Variants in LRGUK observed in about 807,000 individuals in gnomAD.
LRGUK encodes leucine rich repeats and guanylate kinase domain containing, also known as leucine-rich repeat and guanylate kinase domain-containing protein.
Under a neutral mutation model 76.0 loss-of-function variants are expected in LRGUK, and 65 were observed. That is an observed-to-expected ratio of 0.85 (90% CI 0.70 to 1.05). LRGUK has a LOEUF of 1.05. LRGUK is among the 50% of genes least tolerant of loss of function. The pLI is 0.00. For missense variants in LRGUK, 758 were observed against 732.8 expected, an observed-to-expected ratio of 1.03 and a Z score of -0.40; for synonymous variants, 268 against 265.6, an observed-to-expected ratio of 1.01 and a Z score of -0.09.
intron 7 of LRGUK, among the ~76,000 whole-genome samples, chr7:134,164,625 T>C (rs1180274879): frequency 6.6e-6 from 1 of 152,174 alleles, no homozygotes; most frequent in African/African-American, 2.4e-5. Flanking sequence ...GTTTATTTCT[T>C]CTTGAAAATG....
intron 11 of LRGUK, among the ~76,000 whole-genome samples, chr7:134,189,933 G>A (rs1343807825): frequency 2.0e-5 from 3 of 152,190 alleles, no homozygotes; most frequent in Admixed American, 6.5e-5. Flanking sequence ...TGGAAAGGGA[G>A]CAGTGGTATG....
chr7:134,136,743 T>A (rs1251100018), intron 1 of LRGUK, among the ~76,000 whole-genome samples: 2 of 152,214 alleles, frequency 1.3e-5, no homozygotes, highest in Non-Finnish European at 2.9e-5. Context: ...CTGATACTGC[T>A]GCTTCTACTG....
At chr7:134,253,339 A>G (rs940793496) in intron 18 of LRGUK, among the ~76,000 whole-genome samples, 1 of 152,212 alleles carries the variant, frequency 6.6e-6, no homozygotes, top group African/African-American at 2.4e-5. Flanking sequence ...TGGAGGGTCA[A>G]TTTTATTAGC....
At chr7:134,153,789 C>T (rs1214957655) in intron 5 of LRGUK, among the ~76,000 whole-genome samples, 1 of 152,130 alleles carries the variant, frequency 6.6e-6, no homozygotes, top group Non-Finnish European at 1.5e-5. Context: ...GCATTTTTCA[C>T]TGGTAAGGTG....
In LRGUK at chr7:134,244,943, A is replaced by G. The variant is rs191976294; in HGVS notation, c.1984-2613A>G. On this transcript the variant is annotated intron_variant, in intron 16 of 19. Coordinates refer to the LRGUK transcript ENST00000285928. ...TAGAAACCATCATTCTGAGCAAACT[A>G]TCGCAAGGACAGGAAATCAAACACC... 4.0e-3 allele frequency among the ~76,000 whole-genome samples: 614 copies of G among 151,700 alleles called. 3 individuals are homozygous for G. Among genetic ancestry groups the G allele is most frequent in the African/African-American group, 0.014 (571 of 41,384 alleles).
exon 16 of LRGUK, chr7:134,209,460 A>T (rs960895630): frequency 7.5e-6 from 3 of 398,816 alleles, no homozygotes; most frequent in African/African-American, 4.1e-5. Flanking sequence ...GAACTGCCAC[A>T]TCCCCAAGAC....
chr7:134,270,019 C>G, the LRGUK span, among the ~76,000 whole-genome samples: 1 of 152,142 alleles, frequency 6.6e-6, no homozygotes, highest in African/African-American at 2.4e-5. Context: ...AATGGTTTCT[C>G]TCTGAGAATA....
intron 13 of LRGUK, among the ~76,000 whole-genome samples, chr7:134,197,714 G>A (rs2117076224): frequency 6.6e-6 from 1 of 152,216 alleles, no homozygotes; most frequent in African/African-American, 2.4e-5. Context: ...TCTCTACCCT[G>A]ATACCCTGTC....
At chr7:134,272,774 G>A in the LRGUK span, among the ~76,000 whole-genome samples, 1 of 152,150 alleles carries the variant, frequency 6.6e-6, no homozygotes, top group African/African-American at 2.4e-5. Context: ...AGAGTCTTGT[G>A]ATGATTAAGC....
chr7:134,170,671 G>A (rs1585484192), intron 7 of LRGUK, among the ~76,000 whole-genome samples: 1 of 152,132 alleles, frequency 6.6e-6, no homozygotes, highest in Non-Finnish European at 1.5e-5. Context: ...CAACTCTTCT[G>A]TATCCACAAT....
At chr7:134,267,171 A>G (rs911041698), downstream of LRGUK, among the ~76,000 whole-genome samples, 1 of 152,194 alleles carries the variant, frequency 6.6e-6, no homozygotes, top group Non-Finnish European at 1.5e-5. Context: ...TAAAAGAAGG[A>G]AACCTGAAAG....
chr7:134,226,624 C>T (rs948561317), intron 16 of LRGUK, among the ~76,000 whole-genome samples: 3 of 152,198 alleles, frequency 2.0e-5, no homozygotes, highest in Non-Finnish European at 1.5e-5. Flanking sequence ...GAGAAAAATG[C>T]GCTAACTTTT....
downstream of LRGUK, among the ~76,000 whole-genome samples, chr7:134,212,475 A>G (rs1467808907): frequency 1.3e-5 from 2 of 152,230 alleles, no homozygotes; most frequent in Admixed American, 6.5e-5. Flanking sequence ...TGTCTATGAA[A>G]CTATGAATTT....
intron 6 of LRGUK, among the ~76,000 whole-genome samples, chr7:134,162,172 C>T (rs1798776743): frequency 1.3e-5 from 2 of 152,080 alleles, no homozygotes; most frequent in African/African-American, 4.8e-5. Flanking sequence ...GAGAAATAAC[C>T]ATCCTATTAA....
chr7:134,225,125 GAAAAA>G (rs769671717), intron 16 of LRGUK, among the ~76,000 whole-genome samples: 112 of 60,882 alleles, frequency 1.8e-3, no homozygotes, highest in African/African-American at 6.3e-3. Context: ...AACAGAACTG[GAAAAA>G]AAAAAAAAAA....
chr7:134,143,073 G>T (rs542988286), exon 4 of LRGUK: 2 of 1,581,930 alleles, frequency 1.3e-6, no homozygotes, highest in African/African-American at 1.3e-5. Flanking sequence ...TTTATCTTGT[G>T]TGAGTTGTAT....
exon 18 of LRGUK, chr7:134,248,954 T>C: frequency 1.4e-6 from 2 of 1,476,552 alleles, no homozygotes. Flanking sequence ...ATTCCAGGGG[T>C]CCAGTACCAG....
chr7:134,269,679 C>T, the LRGUK span, among the ~76,000 whole-genome samples: 53,452 of 151,988 alleles, frequency 0.35, 11,263 homozygotes, highest in South Asian at 0.49. Context: ...TGAAATTCTT[C>T]TGTGGCTCTG....
At chr7:134,167,372 T>C (rs575319991) in intron 7 of LRGUK, among the ~76,000 whole-genome samples, 2 of 152,316 alleles carry the variant, frequency 1.3e-5, no homozygotes, top group African/African-American at 4.8e-5. Context: ...CCTTTGCCCC[T>C]GACCCCTTTC....
Sources: allele counts gnomAD v4.1 joint callset (sites outside exome capture counted in the v4.1 genomes callset), GRCh38; gene constraint gnomAD v4.1.1; transcripts MANE v1.5; gene names NCBI Gene and HGNC (gene_info 2026-07-23, HGNC 2026-07-21).